Variants in LLGL2 observed in about 807,000 individuals in gnomAD.
LLGL2 encodes LLGL2, scribble cell polarity complex component.
In LLGL2, 81 loss-of-function variants were observed where a neutral mutation model predicts 123.2. The observed-to-expected ratio is 0.66, with a 90% CI of 0.55 to 0.79. The LOEUF is 0.79. Ranked by LOEUF, LLGL2 falls within the 30% of genes least tolerant of loss-of-function variation. The probability of loss-of-function intolerance (pLI) is 0.00; values close to 1 mark genes in which losing one functional copy is unlikely to be tolerated. For synonymous variants in LLGL2, 577 were observed against 594.1 expected (o/e 0.97, Z 0.42); for missense variants, 1,273 against 1,414.6 (o/e 0.90, Z 1.61).
Position 75,571,669 on chromosome 17 carries a change from T to C in LLGL2, c.2179T>C (p.Ser727Pro), listed in dbSNP as rs1399719627. Residue 727 changes from serine to proline, a missense_variant and splice_region_variant, in exon 18 of 26, where the codon TCC becomes CCC. Ser to Pro is a moderately conservative substitution (Grantham distance 74). Transcript: ENST00000392550. The part of the protein sequence containing the change: ...YFADTYLKDS[S>P]RHCPSLWAGT... ...ACCCAAACATGGCTTCTCGGCAGGC[T>C]CCCGGCACTGCCCCTCGCTGTGGGC... is the stretch of plus-strand genomic sequence containing the variant. 1 of 1,606,834 alleles carries C rather than the reference T, an allele frequency of 6.2e-7. No homozygotes were observed.
Position 75,559,207 on chromosome 17 carries a change from C to A in LLGL2, c.372-45C>A. On this transcript the variant is annotated intron_variant, in intron 5 of 25. Coordinates refer to ENST00000392550, the MANE Select transcript of LLGL2 (RefSeq NM_001031803.2). This position sits in a 1 kb window ranked among gnomAD's most constrained non-coding sequence, Gnocchi z 4.6. The stretch of plus-strand genomic sequence containing the variant: ...AGGGGACCCCGTCCATGGCATCTCC[C>A]CTGCTGGGCAGTGGTCGGCTCACGG... The A allele has an allele frequency of 6.5e-7, 1 of 1,535,940 alleles. No individual in the cohort carries two copies.
intron 10 of LLGL2, among the ~76,000 whole-genome samples, chr17:75,565,838 C>T (rs1236286119): frequency 2.0e-5 from 3 of 152,148 alleles, no homozygotes; most frequent in Admixed American, 6.5e-5. Context: ...GGGTTGTGAC[C>T]CAGCTGTCCT....
Position 75,564,248 on chromosome 17 carries a change from C to T in LLGL2, c.882-105C>T. The stretch of plus-strand genomic sequence containing the variant: ...GGAAGGAGATGGGGTCCAGTCTCCC[C>T]TGCTCCTGGGGACCTTGACTGAGTG... On this transcript the variant is annotated intron_variant, in intron 9 of 25. Transcript: ENST00000392550. This position sits in a 1 kb window ranked among gnomAD's most constrained non-coding sequence, Gnocchi z 4.9. 1.3e-6 allele frequency: 2 copies of T among 1,520,022 alleles called. No individual in the cohort carries two copies. Among genetic ancestry groups the T allele is most frequent in the Non-Finnish European group, 1.8e-6 (2 of 1,139,132 alleles). 94.2% of individuals were successfully genotyped at this position (1,520,022 alleles called of 1,614,324 possible).
At chr17:75,556,444 C>T (rs920577059) in intron 3 of LLGL2, among the ~76,000 whole-genome samples, 1 of 152,102 alleles carries the variant, frequency 6.6e-6, no homozygotes, top group Non-Finnish European at 1.5e-5. Context: ...CTTTCAGGAC[C>T]CTTCATGTGG....
intron 1 of LLGL2, among the ~76,000 whole-genome samples, chr17:75,537,118 C>T (rs1277081812): frequency 1.3e-5 from 2 of 152,174 alleles, no homozygotes; most frequent in Admixed American, 6.5e-5. Flanking sequence ...CCACAGCGCC[C>T]GGCCCTTTTA....
chr17:75,564,212 C>T lies in LLGL2; in HGVS notation c.882-141C>T. 1 of 1,447,050 alleles carries T rather than the reference C, an allele frequency of 6.9e-7. No individual in the cohort carries two copies. The highest frequency in any genetic ancestry group is 9.1e-7 in the Non-Finnish European group (1 of 1,097,252). 89.6% of individuals were successfully genotyped at this position (1,447,050 alleles called of 1,614,324 possible). A position where few individuals can be genotyped will look rare whatever the true frequency, so the allele number is the denominator to read the frequency against. On this transcript the variant is annotated intron_variant, in intron 9 of 25. Transcript: ENST00000392550. This position sits in a 1 kb window ranked among gnomAD's most constrained non-coding sequence, Gnocchi z 4.9. ...CACCTTACCTCCAAGTCCTCCTGGG[C>T]TGTAGCAGTTGGAAGGAGATGGGGT...
chr17:75,542,905 C>T (rs941509823), intron 1 of LLGL2: 2 of 152,360 alleles, frequency 1.3e-5, no homozygotes, highest in African/African-American at 4.8e-5. Flanking sequence ...AAGCATCTGC[C>T]CGGTGCCCTG....
chr17:75,546,533 T>C (rs1041292569), intron 2 of LLGL2, among the ~76,000 whole-genome samples: 1 of 151,610 alleles, frequency 6.6e-6, no homozygotes, highest in Non-Finnish European at 1.5e-5. Flanking sequence ...TGAGGTTGAG[T>C]TGGGGGAGCC....
chr17:75,557,963 G>A (rs2054991432), intron 3 of LLGL2, 192 bp from the exon 4 acceptor site: 1 of 698,950 alleles, frequency 1.4e-6, no homozygotes, highest in South Asian at 1.4e-5. Context: ...CAGGTCACTG[G>A]CCTGGTGCCC....
In LLGL2 at chr17:75,574,594, G is replaced by A; in HGVS notation, c.2997-16G>A. 6.2e-7 allele frequency: 1 copy of A among 1,611,888 alleles called. No homozygotes were observed. Among genetic ancestry groups the A allele is most frequent in the Non-Finnish European group, 8.5e-7 (1 of 1,179,486 alleles). On this transcript the variant is annotated splice_polypyrimidine_tract_variant and intron_variant, in intron 24 of 25. Coordinates refer to ENST00000392550, the MANE Select transcript of LLGL2 (RefSeq NM_001031803.2). ...AGGTCCCTGAGGCCATGACTCCCCT[G>A]TCTTTGCCTGTGCAGGAGCGGCAAC...
rs1246137614 is a variant in LLGL2 at position 75,570,110 on chromosome 17, T to A, written c.1729T>A (p.Phe577Ile). 1 of 1,605,670 alleles carries A rather than the reference T, an allele frequency of 6.2e-7. No individual in the cohort carries two copies. The highest frequency in any genetic ancestry group is 8.5e-7 in the Non-Finnish European group (1 of 1,176,566). ...AGGGCCCGTGCGCTTTGAGCCTGGC[T>A]TTCAGCCCTTCGTGTTGGTGCAGTG... Reference protein sequence around the residue: ...RSGPVRFEPGFQPFVLVQCQP... With the variant: ...RSGPVRFEPGIQPFVLVQCQP... Residue 577 changes from phenylalanine to isoleucine, a missense_variant, in exon 15 of 26, where the codon TTT becomes ATT. Phe to Ile is a conservative substitution (Grantham distance 21). Transcript: ENST00000392550.
intron 2 of LLGL2, among the ~76,000 whole-genome samples, chr17:75,545,894 T>A (rs1268191031): frequency 6.6e-6 from 1 of 152,062 alleles, no homozygotes; most frequent in African/African-American, 2.4e-5. Context: ...CAGATGATAT[T>A]TGAGGCTGGC....
intron 6 of LLGL2, among the ~76,000 whole-genome samples, chr17:75,562,039 G>A (rs1598606923): frequency 6.6e-6 from 1 of 152,196 alleles, no homozygotes; most frequent in African/African-American, 2.4e-5. Flanking sequence ...TAGATAATGT[G>A]GAGAGCTTGG....
chr17:75,573,904 G>T (rs369566488), intron 21 of LLGL2, 48 bp from the exon 22 acceptor site: 1 of 1,547,054 alleles, frequency 6.5e-7, no homozygotes, highest in Non-Finnish European at 8.7e-7. Context: ...TCTCAGAGCC[G>T]GGCAGGGAGC....
chr17:75,536,222 C>A (rs2147133367), intron 1 of LLGL2, among the ~76,000 whole-genome samples: 1 of 152,282 alleles, frequency 6.6e-6, no homozygotes, highest in East Asian at 1.9e-4. Context: ...GGCTAGGTGG[C>A]AACCCCAGTG....
chr17:75,569,939 T>G, intron 14 of LLGL2, 24 bp from the exon 15 acceptor site: 1 of 1,557,428 alleles, frequency 6.4e-7, no homozygotes, highest in Non-Finnish European at 8.7e-7. Flanking sequence ...GAGGGCTTGC[T>G]GAGCCACCTG....
intron 1 of LLGL2, among the ~76,000 whole-genome samples, chr17:75,540,683 C>T (rs2054173486): frequency 6.6e-6 from 1 of 152,224 alleles, no homozygotes; most frequent in Non-Finnish European, 1.5e-5. Context: ...TACCCACAGC[C>T]CTTCTGACTT....
In LLGL2 at chr17:75,556,115, A is replaced by G. The variant is rs745841597; in HGVS notation, c.145A>G (p.Ile49Val). The G allele has an allele frequency of 1.2e-6, 2 of 1,610,176 alleles. No homozygotes were observed. The highest frequency in any genetic ancestry group is 1.7e-6 in the Non-Finnish European group (2 of 1,179,926). Residue 49 changes from isoleucine to valine, a missense_variant, in exon 3 of 26, where the codon ATC (isoleucine) becomes GTC (valine). Transcript: ENST00000392550. ...GYSPSLRILA[I>V]GTRSGAIKLY... Reference sequence around the variant, plus strand: ...CAGCCCGTCCCTGCGCATCCTGGCCATCGGCACCCGTTCTGGAGCCATCAA... The same window carrying G: ...CAGCCCGTCCCTGCGCATCCTGGCCGTCGGCACCCGTTCTGGAGCCATCAA...
At chr17:75,574,414 A>G (rs545309858) in intron 23 of LLGL2, 39 bp from the exon 24 acceptor site, 1 of 1,547,434 alleles carries the variant, frequency 6.5e-7, no homozygotes, top group African/African-American at 1.4e-5. Flanking sequence ...TAGCCGCCCC[A>G]AGGGCCTCAG....
Sources: allele counts gnomAD v4.1 joint callset (sites outside exome capture counted in the v4.1 genomes callset), GRCh38; gene constraint gnomAD v4.1.1; non-coding constraint Gnocchi (gnomAD v3.1); transcripts MANE v1.5; gene names NCBI Gene and HGNC (gene_info 2026-07-23, HGNC 2026-07-21).